The following SLIT2 variants were observed in gnomAD, a reference collection of about 807,000 sequenced individuals.
The protein encoded by SLIT2 is slit homolog 2 protein.
A neutral mutation model predicts 185.7 loss-of-function variants in SLIT2; 41 were observed. The observed-to-expected ratio is 0.22, with a 90% CI of 0.17 to 0.29. The LOEUF (loss-of-function observed/expected upper bound fraction) is 0.29. Among genes scored for constraint, SLIT2 ranks in the 10% least tolerant of loss-of-function variants. The pLI is 1.00. For missense variants in SLIT2, 1,571 were observed against 1,909.0 expected (o/e 0.82, Z 3.30); for synonymous variants, 693 against 680.2 (o/e 1.02, Z -0.29).
chr4:20,615,049 C>A (rs1729545985), intron 34 of SLIT2: 1 of 152,076 alleles, frequency 6.6e-6, no homozygotes. Flanking sequence ...TTGACATGTG[C>A]ACATATGTGT....
chr4:20,338,416 G>A (rs545765218), intron 4 of SLIT2, among the ~76,000 whole-genome samples: 3 of 152,172 alleles, frequency 2.0e-5, no homozygotes, highest in Non-Finnish European at 4.4e-5. Flanking sequence ...TTCAGAAAAT[G>A]ACGCTTTGAT....
chr4:20,494,231 T>G (rs1209071696), intron 9 of SLIT2, among the ~76,000 whole-genome samples: 2 of 152,106 alleles, frequency 1.3e-5, no homozygotes, highest in Non-Finnish European at 2.9e-5. Context: ...TCAGTGACAG[T>G]AGGAATGGTG....
intron 4 of SLIT2, among the ~76,000 whole-genome samples, chr4:20,436,373 G>A (rs1443154513): frequency 1.3e-5 from 2 of 152,152 alleles, no homozygotes; most frequent in South Asian, 2.1e-4. Flanking sequence ...GGCCTCTAAT[G>A]TATAGAAAAT....
intron 4 of SLIT2, among the ~76,000 whole-genome samples, chr4:20,397,711 AT>A (rs1377206524): frequency 6.6e-6 from 1 of 151,814 alleles, no homozygotes; most frequent in Non-Finnish European, 1.5e-5. Context: ...AATTTTTTAA[AT>A]TGAGACTATT....
intron 4 of SLIT2, among the ~76,000 whole-genome samples, chr4:20,330,075 C>T (rs1719931979): frequency 6.6e-6 from 1 of 151,890 alleles, no homozygotes; most frequent in Admixed American, 6.6e-5. Context: ...AACCTTACAC[C>T]ATAGCACTGT....
In SLIT2 at chr4:20,528,536, T is replaced by A. The variant is rs16869717; in HGVS notation, c.1463-413T>A. Among the ~76,000 whole-genome samples, 1,155 of 152,196 alleles carry A rather than the reference T, an allele frequency of 7.6e-3. 19 individuals carry two copies. Among genetic ancestry groups the A allele is most frequent in the African/African-American group, 0.026 (1,100 of 41,542 alleles). On this transcript the variant is annotated intron_variant, in intron 15 of 36. Coordinates refer to ENST00000504154, the MANE Select transcript of SLIT2 (RefSeq NM_004787.4). The surrounding 1 kb of genome is among the most constrained non-coding windows in gnomAD (Gnocchi z 4.2). ...TAGAAAATTTAAAAGCCTGAGTATA[T>A]CTATTTGCCTTGAAAGCCCTAATTT...
At chr4:20,315,124 C>G (rs545895864) in intron 4 of SLIT2, among the ~76,000 whole-genome samples, 89 of 152,096 alleles carry the variant, frequency 5.9e-4, no homozygotes, top group African/African-American at 2.1e-3. Flanking sequence ...AGTGTGTCTT[C>G]AATACTGTGT....
chr4:20,397,185 A>ATTCTTGTGTATTAATTCTGT (rs1348743537), intron 4 of SLIT2, among the ~76,000 whole-genome samples: 1 of 151,734 alleles, frequency 6.6e-6, no homozygotes, highest in African/African-American at 2.4e-5. Context: ...TTAGTGGGTA[A>ATTCTTGTGTATTAATTCTGT]GACACCCTGT....
At chr4:20,509,705 G>A (rs1294912762) in intron 9 of SLIT2, among the ~76,000 whole-genome samples, 2 of 152,160 alleles carry the variant, frequency 1.3e-5, no homozygotes, top group Non-Finnish European at 2.9e-5. Flanking sequence ...ACTAAAATAT[G>A]TACCAAAAGA....
intron 4 of SLIT2, among the ~76,000 whole-genome samples, chr4:20,374,760 C>A (rs186526774): frequency 6.6e-5 from 10 of 152,138 alleles, no homozygotes; most frequent in African/African-American, 2.2e-4. Flanking sequence ...AATGCAGCTT[C>A]AGTTTGCTGC....
At chr4:20,421,342 G>T (rs1051303993) in intron 4 of SLIT2, among the ~76,000 whole-genome samples, 3 of 152,102 alleles carry the variant, frequency 2.0e-5, no homozygotes, top group Non-Finnish European at 4.4e-5. Context: ...GGAACATTTT[G>T]TAGTAACATT....
At chr4:20,485,975 GC>G (rs1717198446) in intron 6 of SLIT2, among the ~76,000 whole-genome samples, 2 of 152,096 alleles carry the variant, frequency 1.3e-5, no homozygotes, top group South Asian at 4.1e-4. Flanking sequence ...TATGAATGAA[GC>G]CATAAATTTG....
In SLIT2 at chr4:20,283,119, C is replaced by T. The variant is rs890893599; in HGVS notation, c.395+14238C>T. On this transcript the variant is annotated intron_variant, in intron 4 of 36. Transcript: ENST00000504154. Reference sequence around the variant, plus strand: ...TTGCCTGTGTGCCTGTGTGCGCGCGCGCACACACACACACACACACACACA... The same window carrying T: ...TTGCCTGTGTGCCTGTGTGCGCGCGTGCACACACACACACACACACACACA... Among the ~76,000 whole-genome samples, 12 of 125,066 alleles carry T rather than the reference C, an allele frequency of 9.6e-5. No homozygotes were observed. The East Asian group carries it at 1.2e-3, about 13-fold the overall frequency. The allele number at this position is 125,066 out of a possible 152,430, so 82.0% of individuals were successfully genotyped here.
At chr4:20,586,454 C>T (rs1466960658) in intron 29 of SLIT2, among the ~76,000 whole-genome samples, 2 of 152,072 alleles carry the variant, frequency 1.3e-5, no homozygotes, top group Non-Finnish European at 2.9e-5. Context: ...GGAAAAAACA[C>T]AAAAGCAAAT....
At position 20,494,953 on chromosome 4, in the gene SLIT2, A is replaced by G. The variant is rs145059212; in HGVS notation, c.914+3054A>G. On this transcript the variant is annotated intron_variant, in intron 9 of 36. Transcript: ENST00000504154. ...AGAGAGGAGAAGCTCAAGAACCTAA[A>G]TAAAAACAGCAGAGGGCTCTAATAA... Among the ~76,000 whole-genome samples, 606 of 152,282 alleles carry G rather than the reference A, an allele frequency of 4.0e-3. 4 individuals are homozygous for G. Among genetic ancestry groups the G allele is most frequent in the African/African-American group, 0.014 (572 of 41,544 alleles).
intron 4 of SLIT2, among the ~76,000 whole-genome samples, chr4:20,433,363 A>G (rs1345010159): frequency 1.3e-5 from 2 of 152,234 alleles, no homozygotes; most frequent in African/African-American, 4.8e-5. Flanking sequence ...AAACCCTATA[A>G]TAACATATTG....
chr4:20,286,284 C>T (rs1483281945), intron 4 of SLIT2, among the ~76,000 whole-genome samples: 2 of 152,220 alleles, frequency 1.3e-5, no homozygotes, highest in African/African-American at 2.4e-5. Flanking sequence ...TCCTCTCTCC[C>T]CCACCCTCAT....
chr4:20,402,732 A>G (rs890370357), intron 4 of SLIT2, among the ~76,000 whole-genome samples: 1 of 151,856 alleles, frequency 6.6e-6, no homozygotes, highest in African/African-American at 2.4e-5. Flanking sequence ...TGGAAAAATA[A>G]CGGGGTAATA....
At chr4:20,330,709 T>TC (rs1440314110) in intron 4 of SLIT2, among the ~76,000 whole-genome samples, 1 of 151,466 alleles carries the variant, frequency 6.6e-6, no homozygotes, top group African/African-American at 2.4e-5. Flanking sequence ...AATGGTATTT[T>TC]TTTTCCTATT....
Sources: allele counts gnomAD v4.1 joint callset (sites outside exome capture counted in the v4.1 genomes callset), GRCh38; gene constraint gnomAD v4.1.1; non-coding constraint Gnocchi (gnomAD v3.1); transcripts MANE v1.5; gene names NCBI Gene and HGNC (gene_info 2026-07-23, HGNC 2026-07-21).